SLC49A4: variants seen among roughly 807,000 people sequenced by gnomAD.
SLC49A4 encodes disrupted in renal cancer protein 2.
A neutral mutation model predicts 50.6 loss-of-function variants in SLC49A4; 36 were observed. The ratio of observed to expected loss-of-function variants is 0.71; its 90% CI spans 0.55 to 0.94. The LOEUF is 0.94. Among genes scored for constraint, SLC49A4 ranks in the 40% least tolerant of loss-of-function variants. The probability of loss-of-function intolerance (pLI) is 0.00; values close to 1 mark genes in which losing one functional copy is unlikely to be tolerated. For synonymous variants in SLC49A4, 248 were observed against 241.2 expected (o/e 1.03, Z -0.26); for missense variants, 503 against 605.7 (o/e 0.83, Z 1.78).
chr3:122,827,327 G>T (rs1936544378), intron 3 of SLC49A4, among the ~76,000 whole-genome samples: 1 of 152,132 alleles, frequency 6.6e-6, no homozygotes, highest in African/African-American at 2.4e-5. Flanking sequence ...TCTATTTACG[G>T]TTAAGTACTG....
At chr3:122,850,199 C>T (rs951352700) in intron 5 of SLC49A4, among the ~76,000 whole-genome samples, 8 of 151,850 alleles carry the variant, frequency 5.3e-5, no homozygotes, top group East Asian at 3.9e-4. Flanking sequence ...CTCTAGCCAA[C>T]GACTGTTTGA....
chr3:122,839,985 A>G (rs1936745471), intron 4 of SLC49A4, among the ~76,000 whole-genome samples: 1 of 152,206 alleles, frequency 6.6e-6, no homozygotes, highest in Non-Finnish European at 1.5e-5. Context: ...AAGATATGGA[A>G]CCAACCTAAG....
chr3:122,849,732 C>T (rs942134069), intron 5 of SLC49A4, among the ~76,000 whole-genome samples: 2 of 151,484 alleles, frequency 1.3e-5, no homozygotes, highest in African/African-American at 4.8e-5. Context: ...GGTTCTTAAT[C>T]CCTTGTTGGA....
At chr3:122,849,472 A>G (rs532335366) in intron 5 of SLC49A4, among the ~76,000 whole-genome samples, 1 of 152,206 alleles carries the variant, frequency 6.6e-6, no homozygotes, top group Admixed American at 6.5e-5. Flanking sequence ...CCTTCTCTGT[A>G]TCCTTGTCAG....
At chr3:122,830,447 A>G (rs1936593779) in intron 3 of SLC49A4, among the ~76,000 whole-genome samples, 1 of 152,238 alleles carries the variant, frequency 6.6e-6, no homozygotes, top group Non-Finnish European at 1.5e-5. Context: ...TAGTACTGGC[A>G]TAAGGATAGG....
intron 8 of SLC49A4, 86 bp from the exon 9 acceptor site, chr3:122,879,177 T>G (rs1446646981): frequency 1.0e-6 from 1 of 952,668 alleles, no homozygotes; most frequent in Non-Finnish European, 1.7e-6. Context: ...TACTTTTTAA[T>G]GCAGAGCAGA....
At position 122,826,895 on chromosome 3, in the gene SLC49A4, A is replaced by T. The variant is rs1463661145; in HGVS notation, c.533A>T (p.Glu178Val). The stretch of plus-strand genomic sequence containing the variant: ...TCTACGACGTGGTTTTCTGCAGATG[A>T]AAGGGCCACAGCCACAGCTATTGCA... ...FLSTTWFSAD[E>V]RATATAIASM... is the part of the protein sequence containing the mutation. The change falls in exon 3 of 9, where the codon GAA becomes GTA. Residue 178 changes from glutamate to valine, a missense_variant. Coordinates refer to ENST00000261038, the MANE Select transcript of SLC49A4 (RefSeq NM_032839.3). 1.9e-6 allele frequency: 3 copies of T among 1,614,210 alleles called. No individual in the cohort carries two copies. The highest frequency in any genetic ancestry group is 2.5e-6 in the Non-Finnish European group (3 of 1,180,024).
At chr3:122,872,327 T>C in intron 7 of SLC49A4, 88 bp from the exon 8 acceptor site, 1 of 1,140,740 alleles carries the variant, frequency 8.8e-7, no homozygotes, top group Non-Finnish European at 1.2e-6. Flanking sequence ...TTTGAGTCAA[T>C]ACTTAGGAAA....
intron 4 of SLC49A4, among the ~76,000 whole-genome samples, chr3:122,835,168 C>G (rs1332054793): frequency 6.6e-6 from 1 of 152,056 alleles, no homozygotes; most frequent in African/African-American, 2.4e-5. Flanking sequence ...TGAAACTATT[C>G]CAAAAGATTG....
rs1176978806 is a variant in SLC49A4, at chr3:122,820,932, C to T, written c.438-5868C>T. 2.0e-5 allele frequency among the ~76,000 whole-genome samples: 3 copies of T among 152,230 alleles called. No individual in the cohort carries two copies. In the East Asian group the frequency reaches 5.8e-4, roughly 29 times the overall value. On this transcript the variant is annotated intron_variant, in intron 2 of 8. Transcript: ENST00000261038. ...TTTGGCTGTGTCCCCACCCAAATCT[C>T]ATCTTGAACTGTAGTTCCCATAATC...
rs1169636651 is a variant in SLC49A4 at position 122,860,146 on chromosome 3, C to A, written c.1082C>A (p.Ser361Tyr). 6.2e-7 allele frequency: 1 copy of A among 1,613,438 alleles called. No homozygotes were observed. Among genetic ancestry groups the A allele is most frequent in the African/African-American group, 1.3e-5 (1 of 75,000 alleles). Residue 361 changes from serine (S) to tyrosine (Y), a missense_variant, in exon 7 of 9, where the codon TCC (serine) becomes TAC (tyrosine). By Grantham distance (144) the Ser-to-Tyr change is moderately radical. Coordinates refer to ENST00000261038, the MANE Select transcript of SLC49A4 (RefSeq NM_032839.3). ...CTGTTTTCGGGAGCTACACTGTCAT[C>A]CACGTGGTTCACCCTGACCTGTTTG... The part of the protein sequence containing the change: ...LLLFSGATLS[S>Y]TWFTLTCLNS...
chr3:122,830,506 G>A (rs191154078), intron 3 of SLC49A4, among the ~76,000 whole-genome samples: 6 of 152,310 alleles, frequency 3.9e-5, no homozygotes, highest in Admixed American at 2.0e-4. Context: ...GTGATACTGC[G>A]TAGAAACGCC....
chr3:122,836,002 C>T (rs1013349503), intron 4 of SLC49A4, among the ~76,000 whole-genome samples: 1 of 152,124 alleles, frequency 6.6e-6, no homozygotes, highest in Non-Finnish European at 1.5e-5. Flanking sequence ...GTCCTCTTTA[C>T]AATAGCTGCA....
At chr3:122,852,796 C>T (rs1001814218) in intron 5 of SLC49A4, among the ~76,000 whole-genome samples, 3 of 152,194 alleles carry the variant, frequency 2.0e-5, no homozygotes, top group African/African-American at 7.2e-5. Context: ...TCAATAACTT[C>T]TCAGTCCCTT....
At position 122,867,988 on chromosome 3, in the gene SLC49A4, G is replaced by A. The variant is rs1174610836; in HGVS notation, c.1139-4427G>A. 1.5e-4 allele frequency among the ~76,000 whole-genome samples: 23 copies of A among 152,244 alleles called. No individual in the cohort carries two copies. The East Asian group carries it at 1.9e-3, about 13-fold the overall frequency. On this transcript the variant is annotated intron_variant, in intron 7 of 8. Transcript: ENST00000261038. Reference sequence around the variant, plus strand: ...AAATTAGCCGGGCATGGTGGTGGGCGCCTGTAGTCCCAGCTACTTGGGAGG... The same window carrying A: ...AAATTAGCCGGGCATGGTGGTGGGCACCTGTAGTCCCAGCTACTTGGGAGG...
At chr3:122,843,555 G>C (rs1206133728) in intron 4 of SLC49A4, among the ~76,000 whole-genome samples, 1 of 152,138 alleles carries the variant, frequency 6.6e-6, no homozygotes, top group Non-Finnish European at 1.5e-5. Flanking sequence ...ACATTTAACA[G>C]TTTGTTTGAA....
chr3:122,854,727 C>CA (rs1175889476), intron 5 of SLC49A4, among the ~76,000 whole-genome samples: 2 of 152,182 alleles, frequency 1.3e-5, no homozygotes, highest in Non-Finnish European at 2.9e-5. Flanking sequence ...TGTCATCTAG[C>CA]TAAGTACCCA....
chr3:122,875,034 A>C (rs1412531171), intron 8 of SLC49A4, among the ~76,000 whole-genome samples: 1 of 152,214 alleles, frequency 6.6e-6, no homozygotes, highest in Non-Finnish European at 1.5e-5. Flanking sequence ...AGAACCATGA[A>C]ATCTATGTTG....
At chr3:122,849,987 G>T (rs1391413019) in intron 5 of SLC49A4, among the ~76,000 whole-genome samples, 1 of 144,038 alleles carries the variant, frequency 6.9e-6, no homozygotes. Context: ...TTCCCTTTTA[G>T]AAAAAAAAAA....
Sources: allele counts gnomAD v4.1 joint callset (sites outside exome capture counted in the v4.1 genomes callset), GRCh38; gene constraint gnomAD v4.1.1; transcripts MANE v1.5; gene names NCBI Gene and HGNC (gene_info 2026-07-23, HGNC 2026-07-21).